The following DHX38 variants were observed in gnomAD, a reference collection of about 807,000 sequenced individuals.
DHX38 encodes the protein pre-mRNA-splicing factor ATP-dependent RNA helicase PRP16.
Under a neutral mutation model 153.1 loss-of-function variants are expected in DHX38, and 100 were observed. The observed-to-expected ratio is 0.65, with a 90% CI of 0.56 to 0.77. DHX38 has a LOEUF of 0.77. Among genes scored for constraint, DHX38 ranks in the 30% least tolerant of loss-of-function variants. The pLI, the probability that DHX38 is intolerant of heterozygous loss-of-function variation, is 0.00. For synonymous variants in DHX38, 650 were observed against 631.7 expected, an observed-to-expected ratio of 1.03 and a Z score of -0.43; for missense variants, 1,440 against 1,654.0, an observed-to-expected ratio of 0.87 and a Z score of 2.24.
intron 19 of DHX38, among the ~76,000 whole-genome samples, chr16:72,106,440 T>TTTTCTTTCTTTC (rs71153701): frequency 0.12 from 17,040 of 147,468 alleles, 1,550 homozygotes; most frequent in South Asian, 0.17. Context: ...TCTTTCCCCA[T>TTTTCTTTCTTTC]TTTCTTTCTT....
chr16:72,112,338 G>C, intron 26 of DHX38, 75 bp from the exon 27 acceptor site: 1 of 1,450,394 alleles, frequency 6.9e-7, no homozygotes, highest in Admixed American at 1.7e-5. Flanking sequence ...TAAGTCCTGG[G>C]GCTCTGCATC....
Position 72,105,319 on chromosome 16 carries a change from T to C in DHX38, c.2350T>C (p.Ser784Pro). The C allele has an allele frequency of 6.2e-7, 1 of 1,614,182 alleles. No individual in the cohort carries two copies. The change falls in exon 17 of 27, where the codon TCT becomes CCT. Residue 784 changes from serine to proline, a missense_variant. Ser to Pro is a moderately conservative substitution (Grantham distance 74). Around this residue, in one of 6 missense-constraint regions of DHX38, gnomAD observed 543 missense variants for 717.9 expected, o/e 0.76. Transcript: ENST00000268482. ...GCTGCCCATCTACTCTCAGCTGCCT[T>C]CTGACCTCCAGGCCAAAATCTTCCA... ...AVLPIYSQLP[S>P]DLQAKIFQKA...
Position 72,103,646 on chromosome 16 carries a change from A to C in DHX38, c.1682A>C (p.Lys561Thr), listed in dbSNP as rs1167831350. The change falls in exon 13 of 27, where the codon AAG becomes ACG. Residue 561 changes from lysine to threonine, a missense_variant. Lys to Thr is a moderately conservative substitution (Grantham distance 78). This residue lies in a region of DHX38 where 241 missense variants were observed against 229.5 expected (regional missense o/e 1.05). Coordinates refer to ENST00000268482, the MANE Select transcript of DHX38 (RefSeq NM_014003.4). ...GTGGTTGGGGAGACGGGGAGTGGTA[A>C]GACCACTCAGCTGACGCAGTACCTG... ...VIVVGETGSG[K>T]TTQLTQYLHE... 1 of 1,613,416 alleles carries C rather than the reference A, an allele frequency of 6.2e-7. No homozygotes were observed. The highest frequency in any genetic ancestry group is 2.2e-5 in the East Asian group (1 of 44,836).
chr16:72,097,882 T>G, intron 4 of DHX38, 101 bp downstream of exon 4: 1 of 1,125,454 alleles, frequency 8.9e-7, no homozygotes, highest in Non-Finnish European at 1.3e-6. Flanking sequence ...TGAGTCAGAA[T>G]TCCCGATTCT....
rs954216217 is a variant in DHX38 at position 72,109,506 on chromosome 16, G to A, written c.3473G>A (p.Arg1158Gln). The change falls in exon 25 of 27, where the codon CGG becomes CAG. Residue 1158 changes from arginine to glutamine, a missense_variant. By Grantham distance (43) the Arg-to-Gln change is conservative. Transcript: ENST00000268482. ...FYSVKQAGKS[R>Q]QENRRRAKEE... The stretch of plus-strand genomic sequence containing the variant: ...AGCGTGAAACAGGCGGGCAAGTCAC[G>A]GCAGGTGAGGATTCTGTGCTCTTCG... 11 of 1,611,108 alleles carry A rather than the reference G, an allele frequency of 6.8e-6. No homozygotes were observed. Among genetic ancestry groups the A allele is most frequent in the Non-Finnish European group, 8.5e-6 (10 of 1,178,936 alleles).
intron 12 of DHX38, 103 bp downstream of exon 12, chr16:72,103,314 G>A: frequency 6.9e-7 from 1 of 1,455,050 alleles, no homozygotes; most frequent in Non-Finnish European, 9.2e-7. Flanking sequence ...TGCACCCAGT[G>A]GAGAAGGGAA....
rs17287146 is a variant in DHX38, at chr16:72,099,890, G to T, written c.1116+3G>T. ...CTCAGCGGAGACAGATCAATGAGGT[G>T]AGGCTGCCTGCAGAAGTTGGAGCAG... On this transcript the variant is annotated splice_donor_region_variant and intron_variant, in intron 8 of 26. Transcript: ENST00000268482. 6.3e-7 allele frequency: 1 copy of T among 1,598,396 alleles called. No individual in the cohort carries two copies. The highest frequency in any genetic ancestry group is 1.1e-5 in the South Asian group (1 of 88,862).
At chr16:72,097,217 G>A (rs867054074) in intron 3 of DHX38, 16 of 504,924 alleles carry the variant, frequency 3.2e-5, no homozygotes, top group Middle Eastern at 1.0e-3. Flanking sequence ...CTCCTTGAGT[G>A]TGTGGTCTTC....
At position 72,103,141 on chromosome 16, in the gene DHX38, A is replaced by T. The variant is rs2042123392; in HGVS notation, c.1567A>T (p.Lys523Ter). The change falls in exon 12 of 27, where the codon AAG becomes TAG. Residue 523 changes from lysine (K) to a stop codon, truncating the protein, a stop_gained. Coordinates refer to ENST00000268482, the MANE Select transcript of DHX38 (RefSeq NM_014003.4). LOFTEE classifies it high-confidence loss of function. ...AGCCAGCAGTGAATTTGCAAAGAAGAAGTCCATCCTGGAGCAGAGGCAGTA... is the reference window on the plus strand; with the variant it reads ...AGCCAGCAGTGAATTTGCAAAGAAGTAGTCCATCCTGGAGCAGAGGCAGTA... ...SEASSEFAKK[K>*]SILEQRQYLP... is the part of the protein sequence containing the mutation. The T allele has an allele frequency of 2.5e-6, 4 of 1,614,234 alleles. No homozygotes were observed. The highest frequency in any genetic ancestry group is 2.5e-6 in the Non-Finnish European group (3 of 1,180,040).
At position 72,101,255 on chromosome 16, in the gene DHX38, C is replaced by T. The variant is rs2042096486; in HGVS notation, c.1386+62C>T. On this transcript the variant is annotated intron_variant, in intron 10 of 26. Transcript: ENST00000268482. Reference sequence around the variant, plus strand: ...GTATTTTTTTCTTTTTTCTTCTCTTCATAAGTCTTACTAGGCCCACAGATA... The same window carrying T: ...GTATTTTTTTCTTTTTTCTTCTCTTTATAAGTCTTACTAGGCCCACAGATA... The T allele has an allele frequency of 3.8e-6, 6 of 1,575,428 alleles. 1 individual carries two copies. The South Asian group carries it at 6.7e-5, about 18-fold the overall frequency.
In DHX38 at chr16:72,099,897, C is replaced by T. The variant is rs1338404790; in HGVS notation, c.1116+10C>T. 3 of 1,594,180 alleles carry T rather than the reference C, an allele frequency of 1.9e-6. No homozygotes were observed. The East Asian group carries it at 6.8e-5, about 36-fold the overall frequency. On this transcript the variant is annotated intron_variant, in intron 8 of 26. Coordinates refer to ENST00000268482, the MANE Select transcript of DHX38 (RefSeq NM_014003.4). ...GAGACAGATCAATGAGGTGAGGCTG[C>T]CTGCAGAAGTTGGAGCAGATTCAGA...
In DHX38 at chr16:72,109,399, G is replaced by T; in HGVS notation, c.3382-16G>T. 1 of 1,611,754 alleles carries T rather than the reference G, an allele frequency of 6.2e-7. No individual in the cohort carries two copies. Among genetic ancestry groups the T allele is most frequent in the Non-Finnish European group, 8.5e-7 (1 of 1,179,366 alleles). ...GCCCTCCTGTGACCCTCGCCTCCCT[G>T]CCCTTCTGCCCGCAGGAGTATATGC... On this transcript the variant is annotated splice_polypyrimidine_tract_variant and intron_variant, in intron 24 of 26. Transcript: ENST00000268482.
rs766053952 is a variant in DHX38 at position 72,099,742 on chromosome 16, G to T, written c.971G>T (p.Arg324Leu). 6.2e-7 allele frequency: 1 copy of T among 1,613,980 alleles called. No individual in the cohort carries two copies. The highest frequency in any genetic ancestry group is 8.5e-7 in the Non-Finnish European group (1 of 1,180,012). The change falls in exon 8 of 27, where the codon CGG (arginine) becomes CTG (leucine). Residue 324 changes from arginine to leucine, a missense_variant. Around this residue, in one of 6 missense-constraint regions of DHX38, gnomAD observed 483 missense variants for 465.1 expected, o/e 1.04. Coordinates refer to ENST00000268482, the MANE Select transcript of DHX38 (RefSeq NM_014003.4). ...CCTCCTGCCCTGCAGCAAGCCGATC[G>T]GGATTGGTACATGATGGACGAGGGC... Reference protein sequence around the residue: ...QWEDDQRQADRDWYMMDEGYD... With the variant: ...QWEDDQRQADLDWYMMDEGYD...
intron 1 of DHX38, among the ~76,000 whole-genome samples, chr16:72,095,086 G>T (rs2041991676): frequency 6.6e-6 from 1 of 152,194 alleles, no homozygotes; most frequent in Non-Finnish European, 1.5e-5. Flanking sequence ...ATTAGAGTTT[G>T]GTAAACAATT....
At position 72,097,788 on chromosome 16, in the gene DHX38, T is replaced by A; in HGVS notation, c.616+7T>A. ...CCACGACATCGACCTAAAGGTAGAC[T>A]CACTGTTTTGGTGGCTTGTGAGGAT... On this transcript the variant is annotated splice_region_variant and intron_variant, in intron 4 of 26. Coordinates refer to ENST00000268482, the MANE Select transcript of DHX38 (RefSeq NM_014003.4). The A allele has an allele frequency of 1.2e-6, 2 of 1,611,680 alleles. No individual in the cohort carries two copies. The highest frequency in any genetic ancestry group is 4.5e-5 in the East Asian group (2 of 44,822).
chr16:72,105,418 T>C (rs1284588205), intron 17 of DHX38, 70 bp downstream of exon 17: 2 of 1,600,038 alleles, frequency 1.2e-6, no homozygotes, highest in East Asian at 2.2e-5. Context: ...GATGTGACTG[T>C]CCTGGCAGGG....
Position 72,107,557 on chromosome 16 carries a change from G to T in DHX38, c.2809+9G>T. On this transcript the variant is annotated intron_variant, in intron 20 of 26. Transcript: ENST00000268482. The surrounding 1 kb of genome is among the most constrained non-coding windows in gnomAD (Gnocchi z 5.3). Reference sequence around the variant, plus strand: ...GGCCCTGGACAACACAGGTGAGGCGGCCCCGGGAGCCTCATGGGTGCTGGC... The same window carrying T: ...GGCCCTGGACAACACAGGTGAGGCGTCCCCGGGAGCCTCATGGGTGCTGGC... The T allele has an allele frequency of 6.2e-7, 1 of 1,610,680 alleles. No homozygotes were observed. Among genetic ancestry groups the T allele is most frequent in the South Asian group, 1.1e-5 (1 of 90,970 alleles).
intron 26 of DHX38, chr16:72,112,193 C>T: frequency 1.7e-6 from 1 of 585,000 alleles, no homozygotes; most frequent in Non-Finnish European, 3.1e-6. Context: ...TTGTTAAAAT[C>T]CGATCTAAAG....
chr16:72,112,881 T>C lies in DHX38; in HGVS notation c.*384T>C. Reference sequence around the variant, plus strand: ...TTGTAATTTGGTTATAATTCAGGATTTGGAAATAAATTTATTATTTGTAAA... The same window carrying C: ...TTGTAATTTGGTTATAATTCAGGATCTGGAAATAAATTTATTATTTGTAAA... On this transcript the variant is annotated 3_prime_UTR_variant, in exon 27 of 27. Transcript: ENST00000268482. 1.4e-6 allele frequency: 1 copy of C among 696,888 alleles called. No individual in the cohort carries two copies. Among genetic ancestry groups the C allele is most frequent in the Non-Finnish European group, 2.6e-6 (1 of 381,976 alleles). 43.2% of individuals were successfully genotyped at this position (696,888 alleles called of 1,614,324 possible). A position where few individuals can be genotyped will look rare whatever the true frequency, so the allele number is the denominator to read the frequency against.
Sources: gnomAD v4.1 joint callset for allele counts (sites outside exome capture counted in the v4.1 genomes callset) on GRCh38, gnomAD v4.1.1 for gene constraint, gnomAD v4.1.1 regional missense constraint, Gnocchi (gnomAD v3.1) non-coding constraint, MANE v1.5 for transcripts, NCBI Gene and HGNC (gene_info 2026-07-23, HGNC 2026-07-21) for gene names.